The following OR6N1 variants were observed in gnomAD, a reference collection of about 807,000 sequenced individuals.
OR6N1 encodes the protein olfactory receptor 6N1.
For synonymous variants in OR6N1, 170 were observed against 150.7 expected (o/e 1.13, Z -0.94); for missense variants, 394 against 371.7 (o/e 1.06, Z -0.49).
At chr1:158,791,758 G>A in the OR6N1 span, among the ~76,000 whole-genome samples, 1 of 152,166 alleles carries the variant, frequency 6.6e-6, no homozygotes, top group Non-Finnish European at 1.5e-5. Flanking sequence ...GTGAGCCACA[G>A]TGACCGGTCA....
rs776419244 is a variant in OR6N1, at chr1:158,766,616, C to A, written c.67G>T (p.Val23Phe). 1.2e-6 allele frequency: 2 copies of A among 1,613,964 alleles called. No individual in the cohort carries two copies. Among genetic ancestry groups the A allele is most frequent in the Admixed American group, 1.7e-5 (1 of 60,000 alleles). ...AACAAGAGGAAGAGATAAATCTGGA[C>A]ACCCTGGAGATGGGGGAAGCCCAAG... is the stretch of plus-strand genomic sequence containing the variant. ...IILGFPHLQG[V>F]QIYLFLLLLL... The change falls in exon 2 of 2, where the codon GTC (valine) becomes TTC (phenylalanine). Residue 23 changes from valine to phenylalanine, a missense_variant. Physicochemically the swap from Val to Phe is conservative, Grantham distance 50 (BLOSUM62 -1). Transcript: ENST00000641846.
chr1:158,766,723 T>C (rs1248514277), intron 1 of OR6N1, 23 bp from the exon 2 acceptor site: 1 of 1,493,352 alleles, frequency 6.7e-7, no homozygotes, highest in Non-Finnish European at 9.1e-7. Flanking sequence ...TGTGGAAGGA[T>C]AGGAAAGAAA....
At chr1:158,820,781 T>C in the OR6N1 span, among the ~76,000 whole-genome samples, 1 of 152,198 alleles carries the variant, frequency 6.6e-6, no homozygotes, top group African/African-American at 2.4e-5. Context: ...TCAATTCTCT[T>C]TGAGGATATA....
upstream of OR6N1, chr1:158,774,400 G>A (rs1287778642): frequency 6.6e-6 from 1 of 152,070 alleles, no homozygotes; most frequent in Non-Finnish European, 1.5e-5. Flanking sequence ...TCATAGACAT[G>A]CAGCAATGAG....
the OR6N1 span, among the ~76,000 whole-genome samples, chr1:158,797,547 G>A: frequency 4.6e-5 from 7 of 152,116 alleles, no homozygotes; most frequent in African/African-American, 9.7e-5. Flanking sequence ...CTATGAGATC[G>A]AGGGTAGTGG....
the OR6N1 span, among the ~76,000 whole-genome samples, chr1:158,806,473 C>A: frequency 1.3e-5 from 2 of 151,988 alleles, no homozygotes; most frequent in Admixed American, 6.6e-5. Flanking sequence ...TTTTATTGTC[C>A]CCATTTTGCA....
At chr1:158,820,836 G>A in the OR6N1 span, among the ~76,000 whole-genome samples, 1 of 152,080 alleles carries the variant, frequency 6.6e-6, no homozygotes, top group Non-Finnish European at 1.5e-5. Context: ...TGCTGTTTTG[G>A]CCATGGCCTG....
the OR6N1 span, among the ~76,000 whole-genome samples, chr1:158,822,545 T>C: frequency 2.0e-5 from 3 of 152,332 alleles, no homozygotes; most frequent in East Asian, 3.9e-4. Flanking sequence ...TTTTCCTACA[T>C]TGAGTTTGTA....
At chr1:158,822,810 G>A in the OR6N1 span, among the ~76,000 whole-genome samples, 3 of 152,174 alleles carry the variant, frequency 2.0e-5, no homozygotes, top group Non-Finnish European at 4.4e-5. Context: ...AATGCTTCCA[G>A]CCTTTGTCCA....
At chr1:158,828,473 G>A in the OR6N1 span, among the ~76,000 whole-genome samples, 1 of 152,200 alleles carries the variant, frequency 6.6e-6, no homozygotes, top group African/African-American at 2.4e-5. Flanking sequence ...AAATCTTAAA[G>A]CTTCAAAATG....
At chr1:158,824,017 C>A in the OR6N1 span, among the ~76,000 whole-genome samples, 1 of 151,588 alleles carries the variant, frequency 6.6e-6, no homozygotes, top group East Asian at 1.9e-4. Context: ...AATTGTATGA[C>A]TTTCAGAAAT....
At chr1:158,769,064 T>C (rs1657347725) in intron 1 of OR6N1, among the ~76,000 whole-genome samples, 1 of 152,178 alleles carries the variant, frequency 6.6e-6, no homozygotes, top group Non-Finnish European at 1.5e-5. Flanking sequence ...AATATGCAAA[T>C]CTATTAAGAT....
At chr1:158,821,170 C>A in the OR6N1 span, among the ~76,000 whole-genome samples, 2 of 152,110 alleles carry the variant, frequency 1.3e-5, no homozygotes, top group Admixed American at 1.3e-4. Flanking sequence ...TTTTTCAGAG[C>A]AGTTTTAGAT....
At chr1:158,806,499 G>T in the OR6N1 span, among the ~76,000 whole-genome samples, 8 of 152,274 alleles carry the variant, frequency 5.3e-5, no homozygotes, top group African/African-American at 1.7e-4. Context: ...GGGAACTGAG[G>T]TGGAGGGAAT....
At chr1:158,822,161 T>C in the OR6N1 span, among the ~76,000 whole-genome samples, 1 of 152,216 alleles carries the variant, frequency 6.6e-6, no homozygotes, top group Non-Finnish European at 1.5e-5. Context: ...TTATTCTTTT[T>C]GATTAAGTTT....
upstream of OR6N1, chr1:158,774,534 G>C (rs1452979750): frequency 6.6e-6 from 1 of 152,124 alleles, no homozygotes; most frequent in African/African-American, 2.4e-5. Flanking sequence ...AAAAGCACTA[G>C]TCTTTGGAAA....
chr1:158,813,896 C>A, the OR6N1 span, among the ~76,000 whole-genome samples: 3 of 151,848 alleles, frequency 2.0e-5, no homozygotes, highest in Non-Finnish European at 4.4e-5. Flanking sequence ...GACAGAGTTT[C>A]ACCATGTTGC....
chr1:158,764,782 T>G lies in OR6N1; in HGVS notation c.*962A>C, dbSNP rs1657200668. The G allele has an allele frequency of 6.6e-6, 1 of 152,136 alleles. No individual in the cohort carries two copies. The highest frequency in any genetic ancestry group is 1.5e-5 in the Non-Finnish European group (1 of 67,988). 9.4% of individuals were successfully genotyped at this position (152,136 alleles called of 1,614,324 possible). On this transcript the variant is annotated 3_prime_UTR_variant, in exon 2 of 2. Coordinates refer to ENST00000641846, the MANE Select transcript of OR6N1 (RefSeq NM_001005185.2). Reference sequence around the variant, plus strand: ...TAAAGAAATGGTTCGATGTAAAAAGTAATCCTATTTCTTTCCACTGACTCA... The same window carrying G: ...TAAAGAAATGGTTCGATGTAAAAAGGAATCCTATTTCTTTCCACTGACTCA...
chr1:158,816,157 C>T, the OR6N1 span, among the ~76,000 whole-genome samples: 89 of 89,576 alleles, frequency 9.9e-4, 2 homozygotes, highest in South Asian at 0.029. Context: ...GACACCATCT[C>T]AAAAAAAAAA....
Sources: gnomAD v4.1 joint callset for allele counts (sites outside exome capture counted in the v4.1 genomes callset) on GRCh38, gnomAD v4.1.1 for gene constraint, MANE v1.5 for transcripts, NCBI Gene and HGNC (gene_info 2026-07-23, HGNC 2026-07-21) for gene names.